PIBF1: variants seen among roughly 807,000 people sequenced by gnomAD.
PIBF1 encodes the protein progesterone-induced-blocking factor 1.
A neutral mutation model predicts 112.5 loss-of-function variants in PIBF1; 90 were observed. That is an observed-to-expected ratio of 0.80 (90% CI 0.67 to 0.95). PIBF1 has a LOEUF of 0.95. PIBF1 is among the 40% of genes least tolerant of loss of function. PIBF1 has a pLI of 0.00. For synonymous variants in PIBF1, 301 were observed against 288.6 expected (o/e 1.04, Z -0.44); for missense variants, 915 against 852.3 (o/e 1.07, Z -0.92).
chr13:72,912,740 C>G (rs550774924), intron 12 of PIBF1, among the ~76,000 whole-genome samples: 1 of 152,034 alleles, frequency 6.6e-6, no homozygotes, highest in Admixed American at 6.6e-5. Flanking sequence ...GTTAATCAAA[C>G]CATTATACAT....
At chr13:73,006,073 C>T (rs920388160) in intron 17 of PIBF1, among the ~76,000 whole-genome samples, 54 of 84,914 alleles carry the variant, frequency 6.4e-4, no homozygotes, top group African/African-American at 1.6e-3. Flanking sequence ...GGACGCACCA[C>T]CATGCCCAAT....
At chr13:72,904,478 T>A (rs1328266763) in intron 11 of PIBF1, among the ~76,000 whole-genome samples, 1 of 127,682 alleles carries the variant, frequency 7.8e-6, no homozygotes, top group Non-Finnish European at 1.6e-5. Flanking sequence ...TCCTGCTCTG[T>A]CACCCTGGCT....
At chr13:72,814,121 T>C (rs17089771) in intron 5 of PIBF1, among the ~76,000 whole-genome samples, 12,108 of 152,194 alleles carry the variant, frequency 0.08, 1,293 homozygotes, top group African/African-American at 0.25. Flanking sequence ...TTATAGGAAA[T>C]ATGCTTAATG....
At chr13:72,855,015 C>T (rs1373300952) in intron 10 of PIBF1, among the ~76,000 whole-genome samples, 2 of 152,124 alleles carry the variant, frequency 1.3e-5, no homozygotes, top group Admixed American at 1.3e-4. Flanking sequence ...TGTTTGACTG[C>T]ATAGAGAGTA....
At chr13:72,959,523 C>G (rs939103959) in intron 14 of PIBF1, among the ~76,000 whole-genome samples, 1 of 152,142 alleles carries the variant, frequency 6.6e-6, no homozygotes, top group African/African-American at 2.4e-5. Flanking sequence ...TTAAATTCCA[C>G]TCAGCAGTAT....
chr13:72,880,576 G>A lies in PIBF1; in HGVS notation c.1323-13208G>A, dbSNP rs188204433. Among the ~76,000 whole-genome samples the A allele has an allele frequency of 4.7e-4, 71 of 152,290 alleles. 1 individual carries two copies. The highest frequency in any genetic ancestry group is 8.8e-5 in the Non-Finnish European group (6 of 68,020). ...TTATAATTATGAAAGCTGAGACACA[G>A]GTAGTAAAGAGTGGTATGGAGTTTG... On this transcript the variant is annotated intron_variant, in intron 10 of 17. Transcript: ENST00000326291.
chr13:73,014,952 T>C (rs1362691099), intron 17 of PIBF1, among the ~76,000 whole-genome samples: 1 of 151,738 alleles, frequency 6.6e-6, no homozygotes, highest in Non-Finnish European at 1.5e-5. Context: ...GCCTGGCTAA[T>C]TTTTTGTATT....
chr13:72,859,396 A>G (rs996874731), intron 10 of PIBF1, among the ~76,000 whole-genome samples: 40 of 152,180 alleles, frequency 2.6e-4, no homozygotes, highest in African/African-American at 8.9e-4. Context: ...ATGGATTAGT[A>G]ACTACTGAAG....
At chr13:72,892,663 C>T (rs1024906789) in intron 10 of PIBF1, among the ~76,000 whole-genome samples, 6 of 151,862 alleles carry the variant, frequency 4.0e-5, no homozygotes, top group East Asian at 1.9e-4. Context: ...CTAGTAGATC[C>T]GTTATAAGAA....
intron 10 of PIBF1, among the ~76,000 whole-genome samples, chr13:72,887,836 A>C (rs900074397): frequency 2.0e-5 from 3 of 152,090 alleles, no homozygotes; most frequent in African/African-American, 7.2e-5. Context: ...GATTTTAGAT[A>C]TATCCATGAT....
At chr13:72,783,847 C>A in intron 2 of PIBF1, 126 bp downstream of exon 2, 3 of 950,480 alleles carry the variant, frequency 3.2e-6, no homozygotes, top group South Asian at 1.7e-5. Flanking sequence ...ACAAGTACAG[C>A]CTTTAAATAA....
At chr13:72,911,620 A>G (rs1254735072) in intron 12 of PIBF1, among the ~76,000 whole-genome samples, 1 of 152,204 alleles carries the variant, frequency 6.6e-6, no homozygotes, top group African/African-American at 2.4e-5. Context: ...GATAAAGTAG[A>G]TGTCATCAAA....
In PIBF1 at chr13:72,795,551, T is replaced by G. The variant is rs1157509329; in HGVS notation, c.546T>G (p.Tyr182Ter). The stretch of plus-strand genomic sequence containing the variant: ...AAGATCAGCTTTCTATTCCTGAATA[T>G]GTATCTGTAAGTATCTTATATCTAT... ...FPEDQLSIPE[Y>*]VSVRFYELVN... The change falls in exon 4 of 18, where the codon TAT becomes TAG. Residue 182 changes from tyrosine (Y) to a stop codon, truncating the protein, a stop_gained. Transcript: ENST00000326291. LOFTEE classifies it high-confidence loss of function. The G allele has an allele frequency of 6.6e-7, 1 of 1,517,684 alleles. No homozygotes were observed. The highest frequency in any genetic ancestry group is 1.4e-5 in the African/African-American group (1 of 71,718). The allele number at this position is 1,517,684 out of a possible 1,614,324, so 94.0% of individuals were successfully genotyped here.
intron 12 of PIBF1, among the ~76,000 whole-genome samples, chr13:72,914,279 A>G (rs896607931): frequency 2.0e-5 from 3 of 152,134 alleles, no homozygotes; most frequent in Non-Finnish European, 4.4e-5. Context: ...CTGTAATCAA[A>G]TAAGTATTAT....
intron 17 of PIBF1, among the ~76,000 whole-genome samples, chr13:73,010,582 A>G (rs938700756): frequency 6.6e-6 from 1 of 151,920 alleles, no homozygotes; most frequent in Non-Finnish European, 1.5e-5. Flanking sequence ...CAGCCTGGGC[A>G]ACGGAATGAG....
chr13:72,931,302 C>A, intron 14 of PIBF1, 35 bp downstream of exon 14: 1 of 1,219,240 alleles, frequency 8.2e-7, no homozygotes, highest in Non-Finnish European at 1.2e-6. Context: ...TGAAGAATCA[C>A]AGTATTCATT....
chr13:72,865,191 TAATA>T (rs1447984282), intron 10 of PIBF1, among the ~76,000 whole-genome samples: 1 of 152,182 alleles, frequency 6.6e-6, no homozygotes, highest in African/African-American at 2.4e-5. Flanking sequence ...TCCTAGATAA[TAATA>T]AAGTTAATAT....
Position 72,973,067 on chromosome 13 carries a change from A to G in PIBF1, c.1965-524A>G, listed in dbSNP as rs78538610. ...TAATTTTATGCCTATACTAGGCAGG[A>G]AATTATTCTCAGACAGCATCTCAGT... On this transcript the variant is annotated intron_variant, in intron 15 of 17. Transcript: ENST00000326291. Among the ~76,000 whole-genome samples, 1,322 of 152,336 alleles carry G rather than the reference A, an allele frequency of 8.7e-3. 67 individuals carry two copies. Among genetic ancestry groups the G allele is most frequent in the East Asian group, 9.6e-3 (50 of 5,194 alleles).
chr13:72,992,651 T>TA (rs946635325), intron 16 of PIBF1, among the ~76,000 whole-genome samples: 8 of 151,696 alleles, frequency 5.3e-5, no homozygotes, highest in African/African-American at 1.9e-4. Context: ...GATAAAAAAA[T>TA]AAAAAAATAA....
Sources: gnomAD v4.1 joint callset for allele counts (sites outside exome capture counted in the v4.1 genomes callset) on GRCh38, gnomAD v4.1.1 for gene constraint, MANE v1.5 for transcripts, NCBI Gene and HGNC (gene_info 2026-07-23, HGNC 2026-07-21) for gene names.